The following KCNC2 variants were observed in gnomAD, a reference collection of about 807,000 sequenced individuals.
KCNC2 encodes potassium voltage-gated channel subfamily C member 2.
A neutral mutation model predicts 44.5 loss-of-function variants in KCNC2; 21 were observed. The ratio of observed to expected loss-of-function variants is 0.47; its 90% confidence interval spans 0.33 to 0.68. KCNC2 has a LOEUF of 0.68. Among genes scored for constraint, KCNC2 ranks in the 30% least tolerant of loss-of-function variants. KCNC2 has a pLI of 0.01. For missense variants in KCNC2, 589 were observed against 826.2 expected (o/e 0.71, Z 3.52); for synonymous variants, 391 against 339.1 (o/e 1.15, Z -1.68).
At chr12:75,133,364 T>A (rs562778474) in intron 2 of KCNC2, among the ~76,000 whole-genome samples, 37 of 151,914 alleles carry the variant, frequency 2.4e-4, no homozygotes, top group African/African-American at 8.0e-4. Context: ...TGTATGCTTG[T>A]AACAATGTAT....
At chr12:75,110,625 A>G (rs1246305792) in intron 2 of KCNC2, among the ~76,000 whole-genome samples, 1 of 152,166 alleles carries the variant, frequency 6.6e-6, no homozygotes, top group African/African-American at 2.4e-5. Flanking sequence ...CTTGTAAAGC[A>G]CATAAGTAGA....
intron 2 of KCNC2, among the ~76,000 whole-genome samples, chr12:75,203,262 C>G (rs61932910): frequency 0.084 from 12,681 of 151,374 alleles, 586 homozygotes; most frequent in Admixed American, 0.14. Flanking sequence ...TGTGGCTTGG[C>G]GAAGAGGAAA....
intron 2 of KCNC2, among the ~76,000 whole-genome samples, chr12:75,104,765 A>C (rs1053314508): frequency 6.6e-6 from 1 of 152,166 alleles, no homozygotes; most frequent in Admixed American, 6.5e-5. Flanking sequence ...CATACAGAGA[A>C]GTTAAGTAAC....
At chr12:75,104,874 C>T (rs61932873) in intron 2 of KCNC2, among the ~76,000 whole-genome samples, 2 of 152,078 alleles carry the variant, frequency 1.3e-5, no homozygotes, top group African/African-American at 4.8e-5. Flanking sequence ...GGCAGCACTT[C>T]CTTTTAAGTA....
In KCNC2 at chr12:75,053,116, C is replaced by T. The variant is rs74378558; in HGVS notation, c.688-1799G>A. 9.4e-3 allele frequency among the ~76,000 whole-genome samples: 1,435 copies of T among 152,178 alleles called. 21 individuals are homozygous for T. The highest frequency in any genetic ancestry group is 0.033 in the African/African-American group (1,364 of 41,516). The stretch of plus-strand genomic sequence containing the variant: ...TCCTATGTACACATTAAAAGATAAC[C>T]TTTCAGAGGAAGAATCAGTTATCCT... On this transcript the variant is annotated intron_variant, in intron 2 of 4. Transcript: ENST00000549446.
chr12:75,141,855 T>A (rs1310471411), intron 2 of KCNC2, among the ~76,000 whole-genome samples: 1 of 152,168 alleles, frequency 6.6e-6, no homozygotes, highest in African/African-American at 2.4e-5. Flanking sequence ...AAACAATAGC[T>A]AACATGTATT....
intron 2 of KCNC2, among the ~76,000 whole-genome samples, chr12:75,110,674 T>C (rs1403294970): frequency 6.6e-6 from 1 of 152,150 alleles, no homozygotes; most frequent in East Asian, 1.9e-4. Flanking sequence ...TAGCAATTGA[T>C]ATGTGGTGTT....
chr12:75,159,060 C>T (rs1296301056), intron 2 of KCNC2, among the ~76,000 whole-genome samples: 1 of 136,482 alleles, frequency 7.3e-6, no homozygotes, highest in Non-Finnish European at 1.5e-5. Context: ...TAAGTGGGAG[C>T]TGAAAAATGA....
At chr12:75,065,241 T>C (rs1312117807) in intron 2 of KCNC2, among the ~76,000 whole-genome samples, 2 of 152,114 alleles carry the variant, frequency 1.3e-5, no homozygotes, top group Admixed American at 6.6e-5. Flanking sequence ...TCACTGGGAT[T>C]CAATGAATCA....
intron 2 of KCNC2, among the ~76,000 whole-genome samples, chr12:75,130,981 A>G (rs898821344): frequency 2.0e-5 from 3 of 152,130 alleles, no homozygotes; most frequent in African/African-American, 4.8e-5. Flanking sequence ...AATGATGTGT[A>G]GAATACCCTT....
intron 2 of KCNC2, among the ~76,000 whole-genome samples, chr12:75,127,788 T>A (rs1322266969): frequency 6.6e-6 from 1 of 152,110 alleles, no homozygotes; most frequent in Non-Finnish European, 1.5e-5. Flanking sequence ...CTAATAAAGG[T>A]CATAATGATG....
chr12:75,114,557 A>G (rs1254982001), intron 2 of KCNC2, among the ~76,000 whole-genome samples: 2 of 152,110 alleles, frequency 1.3e-5, no homozygotes, highest in Non-Finnish European at 2.9e-5. Flanking sequence ...AAGGGCTATA[A>G]AGAAAAATAT....
chr12:75,165,173 C>T (rs141031171), intron 2 of KCNC2, among the ~76,000 whole-genome samples: 92 of 151,506 alleles, frequency 6.1e-4, no homozygotes, highest in Non-Finnish European at 1.1e-3. Flanking sequence ...GAAGTGTTTA[C>T]GATATCTAAT....
intron 2 of KCNC2, among the ~76,000 whole-genome samples, chr12:75,144,218 G>A (rs1489714191): frequency 6.6e-6 from 1 of 152,064 alleles, no homozygotes; most frequent in East Asian, 1.9e-4. Flanking sequence ...TATGTCATAA[G>A]CATCCTCAGG....
intron 2 of KCNC2, among the ~76,000 whole-genome samples, chr12:75,075,223 A>G (rs1276147470): frequency 6.6e-6 from 1 of 152,110 alleles, no homozygotes; most frequent in African/African-American, 2.4e-5. Flanking sequence ...GCTATACATC[A>G]TCATTTTTAA....
At chr12:75,094,930 T>C (rs1247999148) in intron 2 of KCNC2, among the ~76,000 whole-genome samples, 1 of 151,752 alleles carries the variant, frequency 6.6e-6, no homozygotes, top group African/African-American at 2.4e-5. Context: ...AAATAGACCA[T>C]GGAAGTCTAA....
intron 2 of KCNC2, among the ~76,000 whole-genome samples, chr12:75,067,268 T>A (rs1160759835): frequency 6.6e-6 from 1 of 152,262 alleles, no homozygotes; most frequent in East Asian, 1.9e-4. Context: ...AGGTCACGTG[T>A]TTAGAGTTGC....
intron 2 of KCNC2, among the ~76,000 whole-genome samples, chr12:75,090,363 T>A (rs1268903313): frequency 1.3e-5 from 2 of 151,630 alleles, no homozygotes; most frequent in Non-Finnish European, 3.0e-5. Context: ...ATGCCCTTTT[T>A]TACACCAGAT....
intron 2 of KCNC2, among the ~76,000 whole-genome samples, chr12:75,125,875 C>G (rs1464298888): frequency 1.3e-5 from 2 of 152,174 alleles, no homozygotes; most frequent in Admixed American, 6.5e-5. Flanking sequence ...ATTCTGGGCT[C>G]TCTCACCTAG....
Sources: allele counts gnomAD v4.1 joint callset (sites outside exome capture counted in the v4.1 genomes callset), GRCh38; gene constraint gnomAD v4.1.1; transcripts MANE v1.5; gene names NCBI Gene and HGNC (gene_info 2026-07-23, HGNC 2026-07-21).